Variants in KSR2 observed in about 807,000 individuals in gnomAD.
KSR2 encodes kinase suppressor of ras 2.
KSR2 carries 25 observed loss-of-function variants against 107.8 expected under a neutral mutation model. The observed-to-expected ratio is 0.23, with a 90% CI of 0.17 to 0.32. The LOEUF is 0.32. KSR2 is among the 10% of genes least tolerant of loss of function. KSR2 has a pLI of 1.00. For synonymous variants in KSR2, 480 were observed against 507.0 expected, an observed-to-expected ratio of 0.95 and a Z score of 0.71; for missense variants, 887 against 1,268.9, an observed-to-expected ratio of 0.70 and a Z score of 4.57.
At chr12:117,728,463 C>T (rs12582561) in intron 4 of KSR2, among the ~76,000 whole-genome samples, 3,062 of 152,304 alleles carry the variant, frequency 0.02, 147 homozygotes, top group East Asian at 0.2. Flanking sequence ...AGGCGGACAT[C>T]CCAGCTGCTG....
intron 5 of KSR2, among the ~76,000 whole-genome samples, chr12:117,626,665 G>A (rs1461177455): frequency 1.3e-5 from 2 of 152,166 alleles, no homozygotes; most frequent in Non-Finnish European, 2.9e-5. Flanking sequence ...GTGGTGCTGA[G>A]AAGAATGTAT....
chr12:117,553,421 G>C (rs1877444792), intron 9 of KSR2, among the ~76,000 whole-genome samples: 1 of 152,142 alleles, frequency 6.6e-6, no homozygotes, highest in East Asian at 1.9e-4. Flanking sequence ...TTTAAGCAGG[G>C]CATGACATAA....
chr12:117,673,798 G>A (rs902124798), intron 4 of KSR2, among the ~76,000 whole-genome samples: 5 of 152,136 alleles, frequency 3.3e-5, no homozygotes, highest in African/African-American at 7.2e-5. Flanking sequence ...ATTCTTTCCC[G>A]TGATCTTTGT....
chr12:117,493,073 T>C lies in KSR2; in HGVS notation c.2220-7382A>G, dbSNP rs373359702. Among the ~76,000 whole-genome samples the C allele has an allele frequency of 8.5e-4, 129 of 152,244 alleles. 1 individual carries two copies. The highest frequency in any genetic ancestry group is 2.8e-3 in the African/African-American group (115 of 41,548). Reference sequence around the variant, plus strand: ...AGACAGTGGGGCAGTAAGTGCTGCCTCGTGAGCAGATGGGAGGTTGAGATG... The same window carrying C: ...AGACAGTGGGGCAGTAAGTGCTGCCCCGTGAGCAGATGGGAGGTTGAGATG... On this transcript the variant is annotated intron_variant, in intron 14 of 19. Transcript: ENST00000339824.
intron 3 of KSR2, among the ~76,000 whole-genome samples, chr12:117,816,685 T>C (rs1891381681): frequency 6.6e-6 from 1 of 152,180 alleles, no homozygotes; most frequent in Non-Finnish European, 1.5e-5. Flanking sequence ...TGGTCATCCT[T>C]GGATCCTCAG....
At position 117,852,397 on chromosome 12, in the gene KSR2, C is replaced by T. The variant is rs140538437; in HGVS notation, c.472+3031G>A. On this transcript the variant is annotated intron_variant, in intron 3 of 19. Coordinates refer to ENST00000339824, the MANE Select transcript of KSR2 (RefSeq NM_173598.6). ...GAGCCGAGGTCGCACCACTGCACTC[C>T]AGCCTGGGTGACAAGAGTAAGACTC... is the stretch of plus-strand genomic sequence containing the variant. Among the ~76,000 whole-genome samples the T allele has an allele frequency of 4.2e-3, 637 of 152,178 alleles. 14 individuals are homozygous for T. The East Asian group carries it at 0.05, about 12-fold the overall frequency.
intron 4 of KSR2, among the ~76,000 whole-genome samples, chr12:117,671,882 C>G (rs752606142): frequency 6.9e-6 from 1 of 145,754 alleles, no homozygotes; most frequent in Non-Finnish European, 1.5e-5. Flanking sequence ...TTTTCAGAAT[C>G]CTGGAAGGAG....
chr12:117,825,796 T>C (rs1162884300), intron 3 of KSR2, among the ~76,000 whole-genome samples: 1 of 151,806 alleles, frequency 6.6e-6, no homozygotes, highest in African/African-American at 2.4e-5. Flanking sequence ...ATATATTAGA[T>C]GGAGGAATGG....
At chr12:117,953,385 T>G (rs369763476) in intron 1 of KSR2, among the ~76,000 whole-genome samples, 2 of 152,210 alleles carry the variant, frequency 1.3e-5, no homozygotes, top group Non-Finnish European at 2.9e-5. Flanking sequence ...CCAGTGATCA[T>G]AGCAGTATTA....
chr12:117,907,653 T>C lies in KSR2; in HGVS notation c.181-47222A>G, dbSNP rs2137417192. On this transcript the variant is annotated intron_variant, in intron 1 of 19. Transcript: ENST00000339824. This position sits in a 1 kb window ranked among gnomAD's most constrained non-coding sequence, Gnocchi z 4.3. ...TAAGGAAACCAACCACCTGTAAGAG[T>C]ACAAGGCTAAAGTGAGTTAACCTTA... Among the ~76,000 whole-genome samples the C allele has an allele frequency of 6.6e-6, 1 of 152,208 alleles. No individual in the cohort carries two copies. The highest frequency in any genetic ancestry group is 2.1e-4 in the South Asian group (1 of 4,824).
intron 4 of KSR2, among the ~76,000 whole-genome samples, chr12:117,739,837 T>G (rs1264691514): frequency 1.3e-5 from 2 of 150,956 alleles, no homozygotes; most frequent in African/African-American, 4.9e-5. Context: ...CAGAGAAGAG[T>G]AGTAGGAGGT....
chr12:117,557,367 C>T, intron 8 of KSR2, among the ~76,000 whole-genome samples: 1 of 152,106 alleles, frequency 6.6e-6, no homozygotes, highest in East Asian at 1.9e-4. Flanking sequence ...CTACTTGGCC[C>T]TCATAGGCAT....
chr12:117,649,634 G>C (rs1232887791), intron 5 of KSR2, among the ~76,000 whole-genome samples: 1 of 152,148 alleles, frequency 6.6e-6, no homozygotes, highest in Non-Finnish European at 1.5e-5. Context: ...CTGAACCCAG[G>C]CTTGTCCAAC....
At chr12:117,785,414 CAAAAAAAA>C (rs374881532) in intron 3 of KSR2, among the ~76,000 whole-genome samples, 11 of 37,418 alleles carry the variant, frequency 2.9e-4, no homozygotes, top group Admixed American at 5.3e-4. Context: ...GACTCCATCT[CAAAAAAAA>C]AAAAAAAAAA....
At chr12:117,577,825 T>C (rs1216379042) in intron 7 of KSR2, among the ~76,000 whole-genome samples, 1 of 152,172 alleles carries the variant, frequency 6.6e-6, no homozygotes, top group East Asian at 1.9e-4. Context: ...GGAGCTGCAA[T>C]TCAAGATGAG....
chr12:117,591,651 C>T lies in KSR2; in HGVS notation c.1172-9292G>A, dbSNP rs573531007. Among the ~76,000 whole-genome samples the T allele has an allele frequency of 5.9e-5, 9 of 151,494 alleles. No homozygotes were observed. In the South Asian group the frequency reaches 1.7e-3, roughly 28 times the overall value. On this transcript the variant is annotated intron_variant, in intron 5 of 19. Transcript: ENST00000339824. ...GGAGAGGATGTGAGGGACAACATCACAGGAAAGTTGTCACCATCACTCTCC... is the reference window on the plus strand; with the variant it reads ...GGAGAGGATGTGAGGGACAACATCATAGGAAAGTTGTCACCATCACTCTCC...
At chr12:117,936,511 T>TTTA (rs145675167) in intron 1 of KSR2, among the ~76,000 whole-genome samples, 35 of 139,822 alleles carry the variant, frequency 2.5e-4, no homozygotes, top group African/African-American at 5.6e-4. Flanking sequence ...TTATTATTAT[T>TTTA]TTATTATTAT....
intron 14 of KSR2, among the ~76,000 whole-genome samples, chr12:117,515,288 T>A (rs1028339844): frequency 6.6e-6 from 1 of 152,224 alleles, no homozygotes; most frequent in African/African-American, 2.4e-5. Flanking sequence ...CATCCTATAG[T>A]CATCCCTCCA....
chr12:117,957,243 G>C (rs969441551), intron 1 of KSR2, among the ~76,000 whole-genome samples: 2 of 152,056 alleles, frequency 1.3e-5, no homozygotes, highest in African/African-American at 4.8e-5. Context: ...TGCCTTACTC[G>C]GTCAGTTTGG....
Sources: allele counts gnomAD v4.1 joint callset (sites outside exome capture counted in the v4.1 genomes callset), GRCh38; gene constraint gnomAD v4.1.1; non-coding constraint Gnocchi (gnomAD v3.1); transcripts MANE v1.5; gene names NCBI Gene and HGNC (gene_info 2026-07-23, HGNC 2026-07-21).